PEX5L: variants seen among roughly 807,000 people sequenced by gnomAD.
PEX5L encodes the protein peroxisomal biogenesis factor 5 like, also known as PEX5-related protein.
Under a neutral mutation model 84.0 loss-of-function variants are expected in PEX5L, and 30 were observed. The ratio of observed to expected loss-of-function variants is 0.36; its 90% CI spans 0.27 to 0.48. PEX5L has a LOEUF of 0.48. Among genes scored for constraint, PEX5L ranks in the 20% least tolerant of loss-of-function variants. The probability of loss-of-function intolerance (pLI) is 0.99; values close to 1 mark genes in which losing one functional copy is unlikely to be tolerated. For synonymous variants in PEX5L, 270 were observed against 283.1 expected (o/e 0.95, Z 0.46); for missense variants, 533 against 754.6 (o/e 0.71, Z 3.44).
chr3:179,846,809 C>A lies in PEX5L; in HGVS notation c.822+12253G>T, dbSNP rs922074034. The stretch of plus-strand genomic sequence containing the variant: ...ACCATCAGCTCTCCTGGTCCTCAGG[C>A]CTTCAGATTTAGACTGAGCTAACAC... On this transcript the variant is annotated intron_variant, in intron 8 of 14. Coordinates refer to ENST00000467460, the MANE Select transcript of PEX5L (RefSeq NM_016559.3). 3.9e-5 allele frequency among the ~76,000 whole-genome samples: 6 copies of A among 152,214 alleles called. No individual in the cohort carries two copies. The East Asian group carries it at 1.2e-3, about 29-fold the overall frequency.
At chr3:179,941,021 G>A (rs535775805) in intron 2 of PEX5L, among the ~76,000 whole-genome samples, 24 of 152,254 alleles carry the variant, frequency 1.6e-4, no homozygotes, top group Non-Finnish European at 2.4e-4. Flanking sequence ...TATAACCAGC[G>A]GTCTTTCACT....
intron 8 of PEX5L, among the ~76,000 whole-genome samples, chr3:179,830,104 C>T (rs1560274302): frequency 6.6e-6 from 1 of 151,810 alleles, no homozygotes; most frequent in Non-Finnish European, 1.5e-5. Flanking sequence ...CTTAAACTTG[C>T]TATATCTAAA....
intron 14 of PEX5L, among the ~76,000 whole-genome samples, chr3:179,806,525 A>G (rs1721365913): frequency 2.0e-5 from 3 of 152,218 alleles, no homozygotes; most frequent in African/African-American, 4.8e-5. Flanking sequence ...TAGGATCTCA[A>G]TGTTTGCCAG....
At chr3:179,826,850 T>C (rs1009352628) in intron 8 of PEX5L, among the ~76,000 whole-genome samples, 1 of 152,216 alleles carries the variant, frequency 6.6e-6, no homozygotes, top group Non-Finnish European at 1.5e-5. Context: ...TCACTGTGCA[T>C]TGCATTATGA....
At chr3:180,011,530 C>T (rs1432306558) in intron 1 of PEX5L, among the ~76,000 whole-genome samples, 2 of 152,134 alleles carry the variant, frequency 1.3e-5, no homozygotes, top group Non-Finnish European at 2.9e-5. Context: ...CTAATGTAAC[C>T]TTATCCGTCT....
chr3:179,894,413 C>G (rs572018002), intron 3 of PEX5L, among the ~76,000 whole-genome samples: 2 of 152,066 alleles, frequency 1.3e-5, no homozygotes, highest in East Asian at 3.9e-4. Context: ...CTTCTGGTAA[C>G]GGATAATCAA....
At chr3:179,842,246 T>C (rs1737588090) in intron 8 of PEX5L, among the ~76,000 whole-genome samples, 1 of 152,190 alleles carries the variant, frequency 6.6e-6, no homozygotes, top group South Asian at 2.1e-4. Flanking sequence ...TGCAGTCAGA[T>C]TGAGTCAGGG....
At chr3:179,916,447 C>A (rs1352304119) in intron 2 of PEX5L, among the ~76,000 whole-genome samples, 1 of 151,828 alleles carries the variant, frequency 6.6e-6, no homozygotes, top group Non-Finnish European at 1.5e-5. Context: ...AATGGTATAC[C>A]AATATAGGGT....
At chr3:179,892,075 G>A (rs139987797) in intron 3 of PEX5L, among the ~76,000 whole-genome samples, 1 of 152,162 alleles carries the variant, frequency 6.6e-6, no homozygotes, top group African/African-American at 2.4e-5. Flanking sequence ...TAACCCAAAG[G>A]TTTCTAATTT....
At chr3:179,945,629 G>A (rs1777309824) in intron 2 of PEX5L, among the ~76,000 whole-genome samples, 2 of 152,108 alleles carry the variant, frequency 1.3e-5, no homozygotes, top group South Asian at 4.1e-4. Flanking sequence ...CATGACACAC[G>A]CTTGAAAGGT....
chr3:179,950,521 T>G (rs375270101), intron 2 of PEX5L, among the ~76,000 whole-genome samples: 2 of 152,010 alleles, frequency 1.3e-5, no homozygotes, highest in African/African-American at 4.8e-5. Context: ...ATAACAAAAT[T>G]TAAAAAATGT....
intron 8 of PEX5L, among the ~76,000 whole-genome samples, chr3:179,828,973 A>T (rs1731610183): frequency 6.6e-6 from 1 of 152,206 alleles, no homozygotes; most frequent in Non-Finnish European, 1.5e-5. Context: ...CAGAATGTGG[A>T]GAAAAGAATT....
intron 10 of PEX5L, among the ~76,000 whole-genome samples, chr3:179,813,664 A>AT (rs35351586): frequency 0.21 from 20,388 of 96,168 alleles, 2,142 homozygotes; most frequent in African/African-American, 0.29. Flanking sequence ...CACTCAACTA[A>AT]TTTTTTTTTT....
At chr3:179,883,770 G>A (rs1754898802) in intron 4 of PEX5L, among the ~76,000 whole-genome samples, 2 of 151,132 alleles carry the variant, frequency 1.3e-5, no homozygotes, top group South Asian at 4.2e-4. Context: ...GGCAACAAGA[G>A]CAAAACTCCG....
chr3:179,864,627 T>C (rs1463267713), intron 7 of PEX5L, among the ~76,000 whole-genome samples: 2 of 152,118 alleles, frequency 1.3e-5, no homozygotes, highest in Admixed American at 6.6e-5. Context: ...TTATGGTAAC[T>C]ATCATTAATA....
chr3:179,946,409 A>G (rs73057311), intron 2 of PEX5L, among the ~76,000 whole-genome samples: 29,339 of 152,138 alleles, frequency 0.19, 3,345 homozygotes, highest in Non-Finnish European at 0.26. Flanking sequence ...AATTCACTAG[A>G]CACCATCCCT....
rs1718570948 is a variant in PEX5L, at chr3:179,800,573, C to A, written c.*1255G>T. On this transcript the variant is annotated 3_prime_UTR_variant, in exon 15 of 15. Coordinates refer to ENST00000467460, the MANE Select transcript of PEX5L (RefSeq NM_016559.3). ...TGGAATTCAACCAATTAAAACACCA[C>A]TGCTAATAGAAAATTCCCAATACTT... 1 of 152,196 alleles carries A rather than the reference C, an allele frequency of 6.6e-6. No individual in the cohort carries two copies. The highest frequency in any genetic ancestry group is 1.5e-5 in the Non-Finnish European group (1 of 68,040). The allele number at this position is 152,196 out of a possible 1,614,324, so 9.4% of individuals were successfully genotyped here. A position where few individuals can be genotyped will look rare whatever the true frequency, so the allele number is the denominator to read the frequency against.
At chr3:179,860,557 T>A (rs1745715563) in intron 7 of PEX5L, among the ~76,000 whole-genome samples, 1 of 152,220 alleles carries the variant, frequency 6.6e-6, no homozygotes, top group African/African-American at 2.4e-5. Flanking sequence ...AGTCATGGTT[T>A]GAAAACCACT....
At chr3:179,947,710 C>CT (rs34097310) in intron 2 of PEX5L, among the ~76,000 whole-genome samples, 27,225 of 139,078 alleles carry the variant, frequency 0.2, 3,285 homozygotes, top group Non-Finnish European at 0.26. Flanking sequence ...AAAAAAGTTA[C>CT]TTTTTTTTTT....
Sources: gnomAD v4.1 joint callset for allele counts (sites outside exome capture counted in the v4.1 genomes callset) on GRCh38, gnomAD v4.1.1 for gene constraint, MANE v1.5 for transcripts, NCBI Gene and HGNC (gene_info 2026-07-23, HGNC 2026-07-21) for gene names.